Variants in SUV39H2 observed in about 807,000 individuals in gnomAD.
The protein encoded by SUV39H2 is histone-lysine N-methyltransferase SUV39H2.
SUV39H2 carries 10 observed loss-of-function variants against 47.5 expected under a neutral mutation model. The ratio of observed to expected loss-of-function variants is 0.21; its 90% CI spans 0.13 to 0.36. The LOEUF is 0.36. Ranked by LOEUF, SUV39H2 falls within the 10% of genes least tolerant of loss-of-function variation. The pLI, the probability that SUV39H2 is intolerant of heterozygous loss-of-function variation, is 1.00. For synonymous variants in SUV39H2, 159 were observed against 166.8 expected (o/e 0.95, Z 0.36); for missense variants, 266 against 487.4 (o/e 0.55, Z 4.28).
chr10:14,883,822 C>T (rs1318825856), intron 2 of SUV39H2, among the ~76,000 whole-genome samples: 1 of 152,010 alleles, frequency 6.6e-6, no homozygotes, highest in South Asian at 2.1e-4. Flanking sequence ...TAGCTACCAC[C>T]TGTTACCCCC....
At chr10:14,883,947 G>T (rs1301151773) in intron 2 of SUV39H2, among the ~76,000 whole-genome samples, 3 of 152,104 alleles carry the variant, frequency 2.0e-5, no homozygotes, top group African/African-American at 7.2e-5. Flanking sequence ...GTGGTCCTTT[G>T]TGATTGGCCC....
chr10:14,879,776 G>C (rs1435647718), intron 1 of SUV39H2: 1 of 152,182 alleles, frequency 6.6e-6, no homozygotes, highest in African/African-American at 2.4e-5. Context: ...GAGAATGTCA[G>C]GGGTTACTGT....
At chr10:14,886,724 G>A (rs1195613776) in intron 2 of SUV39H2, among the ~76,000 whole-genome samples, 2 of 152,212 alleles carry the variant, frequency 1.3e-5, no homozygotes, top group African/African-American at 4.8e-5. Context: ...GGAATAGAAA[G>A]ATTAATAAGA....
chr10:14,884,901 A>G (rs1374071280), intron 2 of SUV39H2, among the ~76,000 whole-genome samples: 1 of 152,230 alleles, frequency 6.6e-6, no homozygotes, highest in Admixed American at 6.5e-5. Context: ...GGGTGTTACT[A>G]GCATTAAATG....
At chr10:14,879,248 C>T (rs1832967295) in intron 1 of SUV39H2, 1 of 577,962 alleles carries the variant, frequency 1.7e-6, no homozygotes, top group East Asian at 5.5e-5. Context: ...CCCCGGCAGT[C>T]CCCGGTTGGA....
chr10:14,898,526 C>A (rs1442169317), intron 3 of SUV39H2: 1 of 152,072 alleles, frequency 6.6e-6, no homozygotes, highest in Non-Finnish European at 1.5e-5. Context: ...TTGATTCTTA[C>A]ACTTTTAGAC....
rs771360187 is a variant in SUV39H2, at chr10:14,899,721, C to T, written c.996+36C>T. The T allele has an allele frequency of 1.1e-5, 17 of 1,608,590 alleles. No homozygotes were observed. In the East Asian group the frequency reaches 3.6e-4, roughly 34 times the overall value. On this transcript the variant is annotated intron_variant, in intron 4 of 5. Transcript: ENST00000354919. The stretch of plus-strand genomic sequence containing the variant: ...ATACGTAAATTTTAGACACGACTAA[C>T]AATTCAACCTAGTACTAGTTTCCAT...
At chr10:14,902,137 T>C (rs1334988900) in intron 5 of SUV39H2, among the ~76,000 whole-genome samples, 6 of 152,208 alleles carry the variant, frequency 3.9e-5, no homozygotes, top group Non-Finnish European at 2.9e-5. Context: ...CTGACAAATA[T>C]GGGCTAATAA....
rs1279512396 is a variant in SUV39H2 at position 14,903,929 on chromosome 10, TA to T, written c.*1418del. 1.3e-5 allele frequency: 2 copies of T among 152,218 alleles called. No individual in the cohort carries two copies. The highest frequency in any genetic ancestry group is 2.9e-5 in the Non-Finnish European group (2 of 68,036). The allele number at this position is 152,218 out of a possible 1,614,324, so 9.4% of individuals were successfully genotyped here. On this transcript the variant is annotated 3_prime_UTR_variant, in exon 6 of 6. Transcript: ENST00000354919. ...AGCTAGACTTTATTCATTATATTGC[TA>T]TGACAACTTCACTCTTTCATAATAT...
Position 14,897,395 on chromosome 10 carries a change from A to G in SUV39H2, c.727A>G (p.Ile243Val). ...CQCGPDCPNR[I>V]VQKGTQYSLC... is the part of the protein sequence containing the mutation. The stretch of plus-strand genomic sequence containing the variant: ...GTGTGGTCCTGATTGTCCCAATAGG[A>G]TTGTACAAAAAGGCACACAGTATTC... Residue 243 changes from isoleucine to valine, a missense_variant, in exon 3 of 6, where the codon ATT (isoleucine) becomes GTT (valine). Ile to Val is a conservative substitution (Grantham distance 29). This residue lies in a region of SUV39H2 where 112 missense variants were observed against 271.9 expected (regional missense o/e 0.41). Coordinates refer to ENST00000354919, the MANE Select transcript of SUV39H2 (RefSeq NM_001193424.2). 1 of 1,613,486 alleles carries G rather than the reference A, an allele frequency of 6.2e-7. No individual in the cohort carries two copies. The highest frequency in any genetic ancestry group is 2.2e-5 in the East Asian group (1 of 44,876).
chr10:14,881,198 GTA>G lies in SUV39H2; in HGVS notation c.32-297_32-296del, dbSNP rs1833031826. On this transcript the variant is annotated intron_variant, in intron 1 of 5. Coordinates refer to ENST00000354919, the MANE Select transcript of SUV39H2 (RefSeq NM_001193424.2). ...ACATTATCTCTGTTGACCTGCATCT[GTA>G]TATAATCTTAAAAAAGCTTACAGAC... is the stretch of plus-strand genomic sequence containing the variant. 2.0e-5 allele frequency among the ~76,000 whole-genome samples: 3 copies of G among 152,246 alleles called. No homozygotes were observed. The South Asian group carries it at 6.2e-4, about 32-fold the overall frequency.
Position 14,878,882 on chromosome 10 carries a change from C to A in SUV39H2, c.-7C>A. The A allele has an allele frequency of 6.7e-7, 1 of 1,489,372 alleles. No individual in the cohort carries two copies. Among genetic ancestry groups the A allele is most frequent in the Non-Finnish European group, 8.9e-7 (1 of 1,119,030 alleles). The allele number at this position is 1,489,372 out of a possible 1,614,324, so 92.3% of individuals were successfully genotyped here. ...GACCGCGCCAGTTTGAATGAAAGCT[C>A]TACAAGATGGCGGCGGTCGGGGCCG... On this transcript the variant is annotated 5_prime_UTR_variant, in exon 1 of 6. Coordinates refer to ENST00000354919, the MANE Select transcript of SUV39H2 (RefSeq NM_001193424.2).
intron 1 of SUV39H2, chr10:14,879,152 A>G (rs1183763315): frequency 1.6e-6 from 2 of 1,213,462 alleles, no homozygotes; most frequent in Non-Finnish European, 2.1e-6. Flanking sequence ...AGCCTGGGGC[A>G]CTTCGGAAGT....
intron 5 of SUV39H2, 111 bp downstream of exon 5, chr10:14,901,373 G>C: frequency 7.1e-7 from 1 of 1,410,770 alleles, no homozygotes; most frequent in Non-Finnish European, 9.7e-7. Context: ...AAGATGAAAA[G>C]TTGAGGCACT....
rs919860514 is a variant in SUV39H2, at chr10:14,898,202, C to CTTTTTTTTTT, written c.849+704_849+713dup. ...AAAACTCAGTGAGGTAGTACTGTTT[C>CTTTTTTTTTT]TTTTTTTTTTTTTTTTTTTTTTTTT... On this transcript the variant is annotated intron_variant, in intron 3 of 5. Coordinates refer to ENST00000354919, the MANE Select transcript of SUV39H2 (RefSeq NM_001193424.2). The CTTTTTTTTTT allele has an allele frequency of 2.2e-3, 122 of 56,146 alleles. 10 individuals carry two copies. Among genetic ancestry groups the CTTTTTTTTTT allele is most frequent in the African/African-American group, 7.1e-3 (101 of 14,146 alleles). 3.5% of individuals were successfully genotyped at this position (56,146 alleles called of 1,614,324 possible). A position where few individuals can be genotyped will look rare whatever the true frequency, so the allele number is the denominator to read the frequency against.
chr10:14,898,926 C>T (rs1393063647), intron 3 of SUV39H2: 2 of 341,276 alleles, frequency 5.9e-6, no homozygotes, highest in Non-Finnish European at 1.1e-5. Flanking sequence ...AGATTTAGTC[C>T]TTAACATTCA....
chr10:14,902,635 T>A lies in SUV39H2; in HGVS notation c.*123T>A. The stretch of plus-strand genomic sequence containing the variant: ...CCTATGTTAATTTACAATTCATGTT[T>A]CAAGACATTTGCCAAATGTATTACC... On this transcript the variant is annotated 3_prime_UTR_variant, in exon 6 of 6. Coordinates refer to ENST00000354919, the MANE Select transcript of SUV39H2 (RefSeq NM_001193424.2). The A allele has an allele frequency of 1.5e-6, 1 of 668,074 alleles. No homozygotes were observed. Among genetic ancestry groups the A allele is most frequent in the Non-Finnish European group, 2.4e-6 (1 of 415,062 alleles). 41.4% of individuals were successfully genotyped at this position (668,074 alleles called of 1,614,324 possible).
At chr10:14,893,111 C>T (rs1451850154) in intron 2 of SUV39H2, among the ~76,000 whole-genome samples, 3 of 149,272 alleles carry the variant, frequency 2.0e-5, no homozygotes, top group African/African-American at 4.9e-5. Context: ...TCACGCCATT[C>T]TCCTGCCTCA....
At chr10:14,894,758 C>A (rs1833511962) in intron 2 of SUV39H2, among the ~76,000 whole-genome samples, 2 of 151,950 alleles carry the variant, frequency 1.3e-5, no homozygotes, top group African/African-American at 4.8e-5. Flanking sequence ...TAAAATAAGC[C>A]CACTCCTGGG....
Sources: gnomAD v4.1 joint callset for allele counts (sites outside exome capture counted in the v4.1 genomes callset) on GRCh38, gnomAD v4.1.1 for gene constraint, gnomAD v4.1.1 regional missense constraint, MANE v1.5 for transcripts, NCBI Gene and HGNC (gene_info 2026-07-23, HGNC 2026-07-21) for gene names.